RAE1: variants seen among roughly 807,000 people sequenced by gnomAD.
RAE1 encodes the protein ribonucleic acid export 1, also known as mRNA export factor RAE1.
In RAE1, 13 loss-of-function variants were observed where a neutral mutation model predicts 52.7. The observed-to-expected ratio is 0.25, with a 90% CI of 0.16 to 0.39. RAE1 has a LOEUF of 0.39. Among genes scored for constraint, RAE1 ranks in the 10% least tolerant of loss-of-function variants. The pLI is 1.00. For missense variants in RAE1, 262 were observed against 459.8 expected (o/e 0.57, Z 3.93); for synonymous variants, 164 against 153.1 (o/e 1.07, Z -0.52).
At chr20:57,366,179 A>C (rs2066951506) in intron 5 of RAE1, among the ~76,000 whole-genome samples, 1 of 152,142 alleles carries the variant, frequency 6.6e-6, no homozygotes, top group African/African-American at 2.4e-5. Context: ...TTTCACTCGC[A>C]CATATGTCTT....
At chr20:57,356,104 AT>A (rs2066782251) in intron 3 of RAE1, among the ~76,000 whole-genome samples, 1 of 152,246 alleles carries the variant, frequency 6.6e-6, no homozygotes, top group Non-Finnish European at 1.5e-5. Flanking sequence ...GGGAGATTAT[AT>A]AAAGTATTCA....
chr20:57,358,227 G>C (rs1393014835), intron 4 of RAE1: 3 of 152,152 alleles, frequency 2.0e-5, no homozygotes, highest in Non-Finnish European at 4.4e-5. Context: ...ATCAAAAAAT[G>C]GTTCAAGCAG....
intron 4 of RAE1, among the ~76,000 whole-genome samples, chr20:57,363,546 A>G (rs560288467): frequency 1.3e-5 from 2 of 152,154 alleles, no homozygotes; most frequent in Non-Finnish European, 2.9e-5. Flanking sequence ...GCACATCCCT[A>G]TAGTCCTAGC....
chr20:57,354,028 T>G lies in RAE1; in HGVS notation c.-7-4T>G. ...CATCCTTAACATTTTTCATTACTTTTTAGGTTCAAAATGAGCCTGTTTGGA... is the reference window on the plus strand; with the variant it reads ...CATCCTTAACATTTTTCATTACTTTGTAGGTTCAAAATGAGCCTGTTTGGA... On this transcript the variant is annotated splice_polypyrimidine_tract_variant and splice_region_variant and intron_variant, in intron 1 of 11. Transcript: ENST00000395841. 6.2e-7 allele frequency: 1 copy of G among 1,611,670 alleles called. No homozygotes were observed. Among genetic ancestry groups the G allele is most frequent in the Non-Finnish European group, 8.5e-7 (1 of 1,178,562 alleles).
intron 8 of RAE1, among the ~76,000 whole-genome samples, chr20:57,369,875 C>T (rs1221051826): frequency 1.3e-5 from 2 of 152,288 alleles, no homozygotes; most frequent in South Asian, 2.1e-4. Flanking sequence ...GAAATCTGCC[C>T]GTGCTTGCCT....
intron 6 of RAE1, 24 bp from the exon 7 acceptor site, chr20:57,366,984 C>T (rs111656619): frequency 6.3e-7 from 1 of 1,597,656 alleles, no homozygotes; most frequent in East Asian, 2.2e-5. Context: ...TGGTCACATA[C>T]TGGCTTCTCT....
At chr20:57,372,103 G>A (rs1036846957) in intron 8 of RAE1, 2 of 152,230 alleles carry the variant, frequency 1.3e-5, no homozygotes, top group Non-Finnish European at 2.9e-5. Context: ...GTACTACATG[G>A]TACCTGTAGT....
chr20:57,375,663 T>C (rs1020245961), intron 11 of RAE1, among the ~76,000 whole-genome samples: 2 of 152,282 alleles, frequency 1.3e-5, no homozygotes. Flanking sequence ...GAGAGTGGTG[T>C]CAGCACCTAC....
chr20:57,358,971 C>T (rs1293977618), intron 4 of RAE1: 1 of 1,473,452 alleles, frequency 6.8e-7, no homozygotes, highest in East Asian at 2.6e-5. Flanking sequence ...TTGTTTATAT[C>T]CGCCTCTTCA....
In RAE1 at chr20:57,363,117, T is replaced by C. The variant is rs190761745; in HGVS notation, c.289-2239T>C. On this transcript the variant is annotated intron_variant, in intron 4 of 11. Transcript: ENST00000395841. ...ATTCTTGAAAAGTAAACCATTTGCC[T>C]ATAGCTTTTTAAGCATTGTCTCATC... is the stretch of plus-strand genomic sequence containing the variant. Among the ~76,000 whole-genome samples, 344 of 152,334 alleles carry C rather than the reference T, an allele frequency of 2.3e-3. 1 individual carries two copies. Among genetic ancestry groups the C allele is most frequent in the Middle Eastern group, 0.02 (6 of 294 alleles).
intron 6 of RAE1, 55 bp from the exon 7 acceptor site, chr20:57,366,953 C>T (rs1197059036): frequency 6.3e-7 from 1 of 1,585,336 alleles, no homozygotes; most frequent in African/African-American, 1.3e-5. Flanking sequence ...ATTTTTGCAC[C>T]ATTTCGACTT....
At chr20:57,369,549 G>A (rs62204171) in intron 8 of RAE1, among the ~76,000 whole-genome samples, 1 of 152,176 alleles carries the variant, frequency 6.6e-6, no homozygotes, top group East Asian at 1.9e-4. Context: ...CTTCTGTATA[G>A]CCATCTTGAA....
intron 1 of RAE1, among the ~76,000 whole-genome samples, chr20:57,352,934 C>A (rs2066732115): frequency 6.6e-6 from 1 of 152,226 alleles, no homozygotes; most frequent in African/African-American, 2.4e-5. Flanking sequence ...GGACCACATC[C>A]CCTCACGTTC....
Position 57,378,272 on chromosome 20 carries a change from C to G in RAE1, c.*173C>G. The G allele has an allele frequency of 3.5e-6, 2 of 565,092 alleles. No homozygotes were observed. The highest frequency in any genetic ancestry group is 2.8e-5 in the East Asian group (1 of 35,394). The allele number at this position is 565,092 out of a possible 1,614,324, so 35.0% of individuals were successfully genotyped here. A position where few individuals can be genotyped will look rare whatever the true frequency, so the allele number is the denominator to read the frequency against. ...AGCCCAGGCGTCCGCGGCGACTTGC[C>G]GTCTCTCCATTCCACTGCCTGTTGC... is the stretch of plus-strand genomic sequence containing the variant. On this transcript the variant is annotated 3_prime_UTR_variant, in exon 12 of 12. Transcript: ENST00000395841.
At position 57,351,945 on chromosome 20, in the gene RAE1, C is replaced by CCTGGG. The variant is rs1428608267; in HGVS notation, c.-8+525_-8+529dup. ...GCAAGTAGTATTAAACACCAGCCGC[C>CCTGGG]CTGGGCCAGGCATTGTACTGTGGGA... On this transcript the variant is annotated intron_variant, in intron 1 of 11. Coordinates refer to ENST00000395841, the MANE Select transcript of RAE1 (RefSeq NM_003610.4). 23 of 985,472 alleles carry CCTGGG rather than the reference C, an allele frequency of 2.3e-5. No individual in the cohort carries two copies. In the Middle Eastern group the frequency reaches 1.6e-3, roughly 67 times the overall value. The allele number at this position is 985,472 out of a possible 1,614,324, so 61.0% of individuals were successfully genotyped here. A position where few individuals can be genotyped will look rare whatever the true frequency, so the allele number is the denominator to read the frequency against.
intron 4 of RAE1, among the ~76,000 whole-genome samples, chr20:57,364,913 G>T (rs1002331374): frequency 1.3e-5 from 2 of 152,200 alleles, no homozygotes; most frequent in African/African-American, 4.8e-5. Flanking sequence ...TTTGTATATA[G>T]AGAGAAAGAT....
chr20:57,359,313 G>A lies in RAE1; in HGVS notation c.288+2775G>A, dbSNP rs2066854293. 2.3e-5 allele frequency: 6 copies of A among 257,780 alleles called. No homozygotes were observed. In the South Asian group the frequency reaches 9.9e-4, roughly 42 times the overall value. 16.0% of individuals were successfully genotyped at this position (257,780 alleles called of 1,614,324 possible). ...AATATTGGGATGTTAACTGTCAGTGGGTTACTCCCGTCTGATGTAAGCTTA... is the reference window on the plus strand; with the variant it reads ...AATATTGGGATGTTAACTGTCAGTGAGTTACTCCCGTCTGATGTAAGCTTA... On this transcript the variant is annotated intron_variant, in intron 4 of 11. Transcript: ENST00000395841.
chr20:57,352,635 C>T (rs1214728768), intron 1 of RAE1, among the ~76,000 whole-genome samples: 2 of 152,134 alleles, frequency 1.3e-5, no homozygotes, highest in African/African-American at 4.8e-5. Context: ...ATGTTCTCTC[C>T]CAACTTGAAG....
intron 8 of RAE1, 89 bp downstream of exon 8, chr20:57,368,901 A>T: frequency 9.3e-7 from 1 of 1,078,286 alleles, no homozygotes; most frequent in Non-Finnish European, 1.4e-6. Flanking sequence ...TGTACTTTGT[A>T]AAACCTGTAA....
Sources: allele counts gnomAD v4.1 joint callset (sites outside exome capture counted in the v4.1 genomes callset), GRCh38; gene constraint gnomAD v4.1.1; transcripts MANE v1.5; gene names NCBI Gene and HGNC (gene_info 2026-07-23, HGNC 2026-07-21).